SMARCC1: variants seen among roughly 807,000 people sequenced by gnomAD.
SMARCC1 encodes the protein SWI/SNF complex subunit SMARCC1.
Under a neutral mutation model 147.4 loss-of-function variants are expected in SMARCC1, and 43 were observed. The ratio of observed to expected loss-of-function variants is 0.29; its 90% confidence interval spans 0.23 to 0.38. The LOEUF is 0.38. Among genes scored for constraint, SMARCC1 ranks in the 10% least tolerant of loss-of-function variants. The probability of loss-of-function intolerance (pLI) is 1.00; values close to 1 mark genes in which losing one functional copy is unlikely to be tolerated. For missense variants in SMARCC1, 1,119 were observed against 1,381.1 expected (o/e 0.81, Z 3.01); for synonymous variants, 495 against 484.4 (o/e 1.02, Z -0.29).
chr3:47,725,400 A>G (rs965502967), intron 6 of SMARCC1, among the ~76,000 whole-genome samples: 15 of 152,114 alleles, frequency 9.9e-5, no homozygotes, highest in Admixed American at 9.8e-4. Context: ...TGATGGCTGC[A>G]CAACTGTAAA....
chr3:47,752,619 T>C (rs1239949995), intron 2 of SMARCC1, among the ~76,000 whole-genome samples: 1 of 151,986 alleles, frequency 6.6e-6, no homozygotes, highest in Non-Finnish European at 1.5e-5. Flanking sequence ...AGCGAAACCC[T>C]GTCTCTAGAA....
At chr3:47,723,188 C>T (rs1323085635) in intron 6 of SMARCC1, among the ~76,000 whole-genome samples, 1 of 151,918 alleles carries the variant, frequency 6.6e-6, no homozygotes, top group Non-Finnish European at 1.5e-5. Context: ...GCAATCTCTC[C>T]CCAGGTCATC....
chr3:47,594,827 G>C (rs549768948), intron 26 of SMARCC1, among the ~76,000 whole-genome samples: 1 of 152,154 alleles, frequency 6.6e-6, no homozygotes, highest in Non-Finnish European at 1.5e-5. Flanking sequence ...CCACAAACCA[G>C]TAAGAAATAA....
chr3:47,712,235 A>G (rs1326157487), intron 8 of SMARCC1, among the ~76,000 whole-genome samples: 1 of 152,178 alleles, frequency 6.6e-6, no homozygotes, highest in African/African-American at 2.4e-5. Context: ...TCCGTCTCAA[A>G]ATAAATAACT....
chr3:47,773,803 T>A (rs2034943442), intron 1 of SMARCC1, among the ~76,000 whole-genome samples: 1 of 151,824 alleles, frequency 6.6e-6, no homozygotes, highest in South Asian at 2.1e-4. Flanking sequence ...GCTAATTTTG[T>A]TTGTATTTTT....
chr3:47,588,382 A>C, intron 27 of SMARCC1, 76 bp from the exon 28 acceptor site: 1 of 1,378,920 alleles, frequency 7.3e-7, no homozygotes, highest in East Asian at 2.4e-5. Flanking sequence ...TCAGTGAAAA[A>C]AAGACACAGA....
At chr3:47,687,180 CAAG>C (rs1267603480) in intron 13 of SMARCC1, among the ~76,000 whole-genome samples, 1 of 152,022 alleles carries the variant, frequency 6.6e-6, no homozygotes, top group Non-Finnish European at 1.5e-5. Flanking sequence ...ATGAAAACAC[CAAG>C]GACTCTAGTT....
chr3:47,671,198 A>AAAAAAAAAAAAAAAAAAAC (rs2033497285), intron 18 of SMARCC1, among the ~76,000 whole-genome samples: 1 of 136,590 alleles, frequency 7.3e-6, no homozygotes, highest in Non-Finnish European at 1.6e-5. Flanking sequence ...AAAAAAAAAA[A>AAAAAAAAAAAAAAAAAAAC]CACACACAAA....
intron 10 of SMARCC1, among the ~76,000 whole-genome samples, chr3:47,705,943 GCTCA>G (rs1298309475): frequency 6.6e-6 from 1 of 152,068 alleles, no homozygotes; most frequent in South Asian, 2.1e-4. Flanking sequence ...TTCAACCAAA[GCTCA>G]CTAAGTACAA....
intron 6 of SMARCC1, among the ~76,000 whole-genome samples, chr3:47,726,381 A>G (rs1484628634): frequency 6.6e-6 from 1 of 151,486 alleles, no homozygotes; most frequent in Non-Finnish European, 1.5e-5. Context: ...ACATGGTGGA[A>G]CGCTTTTAAA....
rs1251274483 is a variant in SMARCC1 at position 47,598,850 on chromosome 3, AAG to A, written c.3044-8015_3044-8014del. Among the ~76,000 whole-genome samples the A allele has an allele frequency of 5.5e-3, 218 of 39,736 alleles. 1 individual carries two copies. The highest frequency in any genetic ancestry group is 0.016 in the African/African-American group (208 of 13,020). 26.1% of individuals were successfully genotyped at this position (39,736 alleles called of 152,430 possible). ...CAAAAAAAAAAAAAAAAAAAAAAAA[AAG>A]AGAGAGAGAGACACACACACACACA... On this transcript the variant is annotated intron_variant, in intron 26 of 27. Coordinates refer to ENST00000254480, the MANE Select transcript of SMARCC1 (RefSeq NM_003074.4).
chr3:47,724,153 A>G (rs2034270076), intron 6 of SMARCC1, among the ~76,000 whole-genome samples: 1 of 152,224 alleles, frequency 6.6e-6, no homozygotes, highest in South Asian at 2.1e-4. Flanking sequence ...ACTGCTGGGT[A>G]TATGCCCAAA....
At chr3:47,683,685 C>T (rs1294346323) in intron 14 of SMARCC1, among the ~76,000 whole-genome samples, 1 of 151,278 alleles carries the variant, frequency 6.6e-6, no homozygotes, top group East Asian at 2.0e-4. Context: ...GATTGCGCCG[C>T]TGCACTCCAG....
At chr3:47,773,630 ATTTT>A (rs965529581) in intron 1 of SMARCC1, among the ~76,000 whole-genome samples, 1 of 151,138 alleles carries the variant, frequency 6.6e-6, no homozygotes, top group African/African-American at 2.4e-5. Context: ...CTCTCAAAAA[ATTTT>A]TTTTCTTTTT....
At chr3:47,754,039 T>C (rs2034660065) in intron 2 of SMARCC1, among the ~76,000 whole-genome samples, 1 of 152,170 alleles carries the variant, frequency 6.6e-6, no homozygotes, top group Non-Finnish European at 1.5e-5. Context: ...TAAACTTATT[T>C]GGAATTTGTA....
At chr3:47,595,164 T>C (rs1438032421) in intron 26 of SMARCC1, among the ~76,000 whole-genome samples, 1 of 152,156 alleles carries the variant, frequency 6.6e-6, no homozygotes, top group African/African-American at 2.4e-5. Context: ...CATCTGGCGG[T>C]TCTCACTTTT....
rs184954509 is a variant in SMARCC1, at chr3:47,687,558, T to C, written c.1264-1388A>G. ...TGGTATATGGCTTCAAATCCTCTTATCTTTGGCATTAAAACGAAGGAATTT... is the reference window on the plus strand; with the variant it reads ...TGGTATATGGCTTCAAATCCTCTTACCTTTGGCATTAAAACGAAGGAATTT... On this transcript the variant is annotated intron_variant, in intron 13 of 27. Transcript: ENST00000254480. Among the ~76,000 whole-genome samples, 4 of 152,320 alleles carry C rather than the reference T, an allele frequency of 2.6e-5. No homozygotes were observed. In the South Asian group the frequency reaches 8.3e-4, roughly 32 times the overall value.
chr3:47,744,740 T>C (rs2034547644), intron 3 of SMARCC1, among the ~76,000 whole-genome samples: 1 of 151,936 alleles, frequency 6.6e-6, no homozygotes, highest in African/African-American at 2.4e-5. Context: ...AGGACATCAC[T>C]AGTCCCAGTA....
At chr3:47,690,306 A>G (rs1163739507) in intron 12 of SMARCC1, among the ~76,000 whole-genome samples, 1 of 152,228 alleles carries the variant, frequency 6.6e-6, no homozygotes, top group Non-Finnish European at 1.5e-5. Flanking sequence ...AATTTATCAG[A>G]TTTTGAAAAA....
Sources: gnomAD v4.1 joint callset for allele counts (sites outside exome capture counted in the v4.1 genomes callset) on GRCh38, gnomAD v4.1.1 for gene constraint, MANE v1.5 for transcripts, NCBI Gene and HGNC (gene_info 2026-07-23, HGNC 2026-07-21) for gene names.